Variants in THSD4 observed in about 807,000 individuals in gnomAD.
THSD4 encodes thrombospondin type-1 domain-containing protein 4.
Under a neutral mutation model 119.0 loss-of-function variants are expected in THSD4, and 69 were observed. The ratio of observed to expected loss-of-function variants is 0.58; its 90% CI spans 0.48 to 0.71. THSD4 has a LOEUF of 0.71. Among genes scored for constraint, THSD4 ranks in the 30% least tolerant of loss-of-function variants. The pLI is 0.00. For synonymous variants in THSD4, 524 were observed against 540.4 expected (o/e 0.97, Z 0.42); for missense variants, 1,393 against 1,391.1 (o/e 1.00, Z -0.02).
At chr15:71,481,141 G>A (rs11636658) in intron 7 of THSD4, among the ~76,000 whole-genome samples, 140,763 of 152,236 alleles carry the variant, frequency 0.92, 65,906 homozygotes, top group East Asian at 1. Context: ...CATTTGATTG[G>A]AAGAAAAAAA....
chr15:71,439,627 T>C (rs1422835990), intron 7 of THSD4, among the ~76,000 whole-genome samples: 1 of 152,176 alleles, frequency 6.6e-6, no homozygotes, highest in Non-Finnish European at 1.5e-5. Context: ...TGTCCATCAG[T>C]GATAGACTGG....
intron 7 of THSD4, among the ~76,000 whole-genome samples, chr15:71,633,274 T>C (rs902682503): frequency 2.2e-3 from 300 of 138,606 alleles, no homozygotes; most frequent in African/African-American, 4.4e-3. Flanking sequence ...TCTTTCTTTT[T>C]TTTTTTTTTT....
Position 71,491,294 on chromosome 15 carries a change from A to G in THSD4, c.1152+79471A>G, listed in dbSNP as rs576454456. Among the ~76,000 whole-genome samples, 3 of 152,098 alleles carry G rather than the reference A, an allele frequency of 2.0e-5. No homozygotes were observed. In the South Asian group the frequency reaches 6.2e-4, roughly 32 times the overall value. ...TGAGTGTTGATCCCTTTTGAATCTC[A>G]TGTTGAAATGTTTTTCCCCGTTGTT... is the stretch of plus-strand genomic sequence containing the variant. On this transcript the variant is annotated intron_variant, in intron 7 of 17. Coordinates refer to ENST00000261862, the MANE Select transcript of THSD4 (RefSeq NM_024817.3).
intron 7 of THSD4, among the ~76,000 whole-genome samples, chr15:71,515,168 T>C (rs1567016874): frequency 6.6e-6 from 1 of 152,230 alleles, no homozygotes; most frequent in Non-Finnish European, 1.5e-5. Context: ...GAATGTGTTA[T>C]TCTGTGTCAC....
At chr15:71,370,217 T>A (rs564889529) in intron 6 of THSD4, among the ~76,000 whole-genome samples, 49 of 152,290 alleles carry the variant, frequency 3.2e-4, no homozygotes, top group African/African-American at 1.1e-3. Context: ...ATTTTGTTGA[T>A]CTTTTCAAAA....
chr15:71,397,873 A>G (rs550277978), intron 6 of THSD4, among the ~76,000 whole-genome samples: 1 of 152,350 alleles, frequency 6.6e-6, no homozygotes, highest in South Asian at 2.1e-4. Flanking sequence ...AGTGTCTCAC[A>G]CAGTACTTGG....
rs541728526 is a variant in THSD4, at chr15:71,207,338, C to T, written c.100-7697C>T. 1.4e-4 allele frequency among the ~76,000 whole-genome samples: 21 copies of T among 152,294 alleles called. No homozygotes were observed. The South Asian group carries it at 2.3e-3, about 17-fold the overall frequency. On this transcript the variant is annotated intron_variant, in intron 3 of 17. Coordinates refer to ENST00000261862, the MANE Select transcript of THSD4 (RefSeq NM_024817.3). ...TACTCTGGCTGTGGTCAATTACTGC[C>T]GCTAAATGACTCTTTCTGCCCTGGG...
intron 7 of THSD4, among the ~76,000 whole-genome samples, chr15:71,492,106 T>C (rs2140701846): frequency 6.6e-6 from 1 of 152,018 alleles, no homozygotes; most frequent in East Asian, 1.9e-4. Flanking sequence ...TTCTCGGTGG[T>C]CTGTGAGATG....
intron 7 of THSD4, among the ~76,000 whole-genome samples, chr15:71,539,791 C>T (rs986249528): frequency 1.3e-5 from 2 of 152,132 alleles, no homozygotes; most frequent in African/African-American, 2.4e-5. Flanking sequence ...CCTTTGCATC[C>T]GTTCTCTTGT....
intron 6 of THSD4, chr15:71,341,812 T>C: frequency 1.4e-6 from 1 of 737,002 alleles, no homozygotes; most frequent in South Asian, 1.5e-5. Flanking sequence ...CCTTCCTTCC[T>C]TTCCTTTCAT....
intron 2 of THSD4, among the ~76,000 whole-genome samples, chr15:71,151,204 CAG>C (rs1423485939): frequency 1.3e-5 from 2 of 152,154 alleles, no homozygotes; most frequent in Non-Finnish European, 2.9e-5. Context: ...TCCTCGGAGT[CAG>C]AGGAAAACCT....
chr15:71,727,981 C>T (rs1365647894), intron 8 of THSD4, among the ~76,000 whole-genome samples: 2 of 152,054 alleles, frequency 1.3e-5, no homozygotes, highest in Non-Finnish European at 2.9e-5. Context: ...CCATCCTGGG[C>T]TCCAGCCGAT....
intron 3 of THSD4, among the ~76,000 whole-genome samples, chr15:71,169,386 T>C (rs1283454577): frequency 1.3e-5 from 2 of 152,296 alleles, no homozygotes; most frequent in African/African-American, 2.4e-5. Flanking sequence ...AAGCTAAACA[T>C]TGCCCATGCT....
intron 7 of THSD4, among the ~76,000 whole-genome samples, chr15:71,522,685 C>A (rs58880922): frequency 6.6e-6 from 1 of 152,100 alleles, no homozygotes; most frequent in Non-Finnish European, 1.5e-5. Flanking sequence ...GCAAGGAGAG[C>A]AAGCCAACCC....
chr15:71,243,978 G>T (rs1403601683), intron 5 of THSD4, among the ~76,000 whole-genome samples: 5 of 151,354 alleles, frequency 3.3e-5, no homozygotes, highest in Non-Finnish European at 5.9e-5. Flanking sequence ...GTAGAGACGG[G>T]GTTTCACTAT....
chr15:71,586,125 T>C (rs1004221186), intron 7 of THSD4, among the ~76,000 whole-genome samples: 1 of 152,176 alleles, frequency 6.6e-6, no homozygotes, highest in African/African-American at 2.4e-5. Context: ...GGCGGTGTCA[T>C]TTTTGCCTGA....
At chr15:71,315,677 A>G (rs2045177741) in intron 6 of THSD4, among the ~76,000 whole-genome samples, 1 of 152,230 alleles carries the variant, frequency 6.6e-6, no homozygotes, top group South Asian at 2.1e-4. Context: ...TTGTTTGCAG[A>G]TAAATCTCTA....
chr15:71,625,678 T>A (rs2050495009), intron 7 of THSD4, among the ~76,000 whole-genome samples: 1 of 152,234 alleles, frequency 6.6e-6, no homozygotes, highest in African/African-American at 2.4e-5. Flanking sequence ...CAAGCATTGG[T>A]CTCTTTTATT....
intron 7 of THSD4, among the ~76,000 whole-genome samples, chr15:71,583,047 C>T (rs1036584284): frequency 6.6e-6 from 1 of 152,048 alleles, no homozygotes; most frequent in Non-Finnish European, 1.5e-5. Context: ...CTGGTGAAGC[C>T]ATCCAATCTT....
Sources: gnomAD v4.1 joint callset for allele counts (sites outside exome capture counted in the v4.1 genomes callset) on GRCh38, gnomAD v4.1.1 for gene constraint, MANE v1.5 for transcripts, NCBI Gene and HGNC (gene_info 2026-07-23, HGNC 2026-07-21) for gene names.